Variants in GALNT13 observed in about 807,000 individuals in gnomAD.
GALNT13 encodes the protein UDP-GalNAc:polypeptide N-acetylgalactosaminyltransferase 13.
GALNT13 carries 28 observed loss-of-function variants against 64.2 expected under a neutral mutation model. The observed-to-expected ratio is 0.44, with a 90% CI of 0.32 to 0.60. The LOEUF (loss-of-function observed/expected upper bound fraction) is 0.60, where lower values mean the gene tolerates loss of function less well. Ranked by LOEUF, GALNT13 falls within the 20% of genes least tolerant of loss-of-function variation. The pLI, the probability that GALNT13 is intolerant of heterozygous loss-of-function variation, is 0.05. For synonymous variants in GALNT13, 214 were observed against 224.6 expected (o/e 0.95, Z 0.42); for missense variants, 577 against 669.8 (o/e 0.86, Z 1.53).
intron 4 of GALNT13, among the ~76,000 whole-genome samples, chr2:154,169,175 C>T (rs1685213008): frequency 6.6e-6 from 1 of 152,094 alleles, no homozygotes; most frequent in Non-Finnish European, 1.5e-5. Context: ...CCAAACATCT[C>T]CCATTAGGCC....
At chr2:153,202,795 CAT>C in the GALNT13 span, among the ~76,000 whole-genome samples, 6 of 152,116 alleles carry the variant, frequency 3.9e-5, no homozygotes, top group African/African-American at 1.4e-4. Context: ...ATTTAAAAAA[CAT>C]ATATTTGTTA....
At chr2:154,389,357 T>C (rs996156774) in intron 9 of GALNT13, among the ~76,000 whole-genome samples, 7 of 152,168 alleles carry the variant, frequency 4.6e-5, no homozygotes, top group Non-Finnish European at 8.8e-5. Context: ...CACGCTGGTG[T>C]TGAACTCCTG....
At chr2:154,286,442 G>A (rs560165673) in intron 8 of GALNT13, 1 of 153,048 alleles carries the variant, frequency 6.5e-6, no homozygotes, top group Non-Finnish European at 1.5e-5. Flanking sequence ...TGTGCTTTGG[G>A]TTCTTCATTT....
the GALNT13 span, among the ~76,000 whole-genome samples, chr2:153,771,470 T>A: frequency 6.6e-6 from 1 of 152,074 alleles, no homozygotes; most frequent in Non-Finnish European, 1.5e-5. Context: ...AACCTGGAGA[T>A]ATATCCAGGT....
chr2:153,629,468 C>T, the GALNT13 span, among the ~76,000 whole-genome samples: 1 of 151,994 alleles, frequency 6.6e-6, no homozygotes, highest in Non-Finnish European at 1.5e-5. Flanking sequence ...AAACTGGATC[C>T]CTTCCTTACA....
chr2:154,027,615 C>G (rs1427390311), intron 3 of GALNT13, among the ~76,000 whole-genome samples: 1 of 151,812 alleles, frequency 6.6e-6, no homozygotes, highest in Non-Finnish European at 1.5e-5. Context: ...CATGACCTTT[C>G]CTAGGAGAAA....
intron 1 of GALNT13, among the ~76,000 whole-genome samples, chr2:153,897,976 C>G (rs1408730201): frequency 1.6e-4 from 24 of 152,018 alleles, no homozygotes; most frequent in Admixed American, 5.2e-4. Context: ...AGTCTTCTCT[C>G]TGTGTCCATG....
At chr2:154,344,376 A>G (rs568746607) in intron 9 of GALNT13, among the ~76,000 whole-genome samples, 10 of 152,168 alleles carry the variant, frequency 6.6e-5, no homozygotes, top group Non-Finnish European at 1.3e-4. Flanking sequence ...GTGTTAAAGG[A>G]TATCAGAATT....
At chr2:154,206,658 G>A (rs1440718901) in intron 4 of GALNT13, among the ~76,000 whole-genome samples, 1 of 151,892 alleles carries the variant, frequency 6.6e-6, no homozygotes, top group Non-Finnish European at 1.5e-5. Context: ...TTAGCCGGGT[G>A]TGGTGGTGGG....
the GALNT13 span, among the ~76,000 whole-genome samples, chr2:153,416,000 T>A: frequency 6.6e-6 from 1 of 152,164 alleles, no homozygotes; most frequent in Non-Finnish European, 1.5e-5. Flanking sequence ...TTAAAGAAAG[T>A]TGCCTATAAA....
the GALNT13 span, among the ~76,000 whole-genome samples, chr2:153,536,640 CTTAA>C: frequency 2.0e-5 from 3 of 152,126 alleles, no homozygotes; most frequent in East Asian, 3.9e-4. Flanking sequence ...TTAATTTGCA[CTTAA>C]TTCATTCATT....
chr2:154,274,659 T>C (rs1162712098), intron 8 of GALNT13, among the ~76,000 whole-genome samples: 1 of 152,102 alleles, frequency 6.6e-6, no homozygotes, highest in Non-Finnish European at 1.5e-5. Context: ...TTACAAGCCA[T>C]GCTGAACAGT....
intron 1 of GALNT13, among the ~76,000 whole-genome samples, chr2:153,882,867 A>G (rs1185189523): frequency 6.6e-6 from 1 of 151,360 alleles, no homozygotes; most frequent in African/African-American, 2.4e-5. Flanking sequence ...TCTTAACTAC[A>G]TAAAACAGCA....
the GALNT13 span, among the ~76,000 whole-genome samples, chr2:153,091,040 C>G: frequency 1.3e-5 from 2 of 152,108 alleles, no homozygotes; most frequent in African/African-American, 4.8e-5. Flanking sequence ...GACCTTGACC[C>G]TCCCTGTCTG....
chr2:153,951,193 T>C (rs955906327), intron 3 of GALNT13, among the ~76,000 whole-genome samples: 10 of 152,144 alleles, frequency 6.6e-5, no homozygotes, highest in African/African-American at 2.4e-4. Flanking sequence ...GATTTGGATA[T>C]GGGTTTGATG....
intron 4 of GALNT13, among the ~76,000 whole-genome samples, chr2:154,233,037 C>CAAAAAAAAAAA (rs375484057): frequency 4.6e-4 from 27 of 58,344 alleles, no homozygotes; most frequent in South Asian, 7.1e-4. Context: ...GACCCTGTCT[C>CAAAAAAAAAAA]AAAAAAAAAA....
chr2:154,254,391 T>A (rs1279896327), intron 7 of GALNT13, among the ~76,000 whole-genome samples: 1 of 152,144 alleles, frequency 6.6e-6, no homozygotes, highest in African/African-American at 2.4e-5. Context: ...TTAACATTTT[T>A]AGAGGATCAT....
chr2:154,063,165 C>T (rs1700281585), intron 3 of GALNT13, among the ~76,000 whole-genome samples: 1 of 152,078 alleles, frequency 6.6e-6, no homozygotes, highest in Admixed American at 6.6e-5. Flanking sequence ...TGCCTCATTT[C>T]AATCCCTTAT....
the GALNT13 span, among the ~76,000 whole-genome samples, chr2:153,405,112 T>C: frequency 6.6e-6 from 1 of 152,134 alleles, no homozygotes; most frequent in African/African-American, 2.4e-5. Flanking sequence ...TCTCCAGAAG[T>C]AAAAAGGGAC....
Sources: gnomAD v4.1 joint callset for allele counts (sites outside exome capture counted in the v4.1 genomes callset) on GRCh38, gnomAD v4.1.1 for gene constraint, MANE v1.5 for transcripts, NCBI Gene and HGNC (gene_info 2026-07-23, HGNC 2026-07-21) for gene names.